The following TAFA5 variants were observed in gnomAD, a reference collection of about 807,000 sequenced individuals.
TAFA5 encodes the protein chemokine-like protein TAFA-5.
Under a neutral mutation model 15.3 loss-of-function variants are expected in TAFA5, and 6 were observed. The observed-to-expected ratio is 0.39, with a 90% CI of 0.21 to 0.77. The LOEUF is 0.77. TAFA5 is among the 30% of genes least tolerant of loss of function. The pLI is 0.41. For synonymous variants in TAFA5, 103 were observed against 80.7 expected (o/e 1.28, Z -1.48); for missense variants, 161 against 193.1 (o/e 0.83, Z 0.98).
chr22:48,669,382 A>G (rs961432867), intron 2 of TAFA5, among the ~76,000 whole-genome samples: 2 of 152,194 alleles, frequency 1.3e-5, no homozygotes, highest in Admixed American at 1.3e-4. Context: ...GCCCCGGGGT[A>G]GCCCCCTTTC....
rs539122639 is a variant in TAFA5, at chr22:48,742,840, C to T, written c.391-6999C>T. On this transcript the variant is annotated intron_variant, in intron 3 of 3. Coordinates refer to ENST00000402357, the MANE Select transcript of TAFA5 (RefSeq NM_001082967.3). This position sits in a 1 kb window ranked among gnomAD's most constrained non-coding sequence, Gnocchi z 6.2. ...GAGTCCCCAGCTGGGAGCTCAGGTG[C>T]GATGAAGCCCAAGGGACTGACGGTG... Among the ~76,000 whole-genome samples, 4 of 152,296 alleles carry T rather than the reference C, an allele frequency of 2.6e-5. No individual in the cohort carries two copies. The highest frequency in any genetic ancestry group is 2.0e-4 in the Admixed American group (3 of 15,300).
rs147621250 is a variant in TAFA5, at chr22:48,639,133, C to T, written c.113-7464C>T. Among the ~76,000 whole-genome samples the T allele has an allele frequency of 2.7e-4, 41 of 152,312 alleles. No homozygotes were observed. In the East Asian group the frequency reaches 7.2e-3, roughly 27 times the overall value. Reference sequence around the variant, plus strand: ...GCTGAGGACACCCCATTGCCCCACCCGTCACTTGGACACAGGCTGGTGTGT... The same window carrying T: ...GCTGAGGACACCCCATTGCCCCACCTGTCACTTGGACACAGGCTGGTGTGT... On this transcript the variant is annotated intron_variant, in intron 1 of 3. Coordinates refer to ENST00000402357, the MANE Select transcript of TAFA5 (RefSeq NM_001082967.3).
At chr22:48,575,639 TG>T (rs1923747939) in intron 1 of TAFA5, among the ~76,000 whole-genome samples, 1 of 144,602 alleles carries the variant, frequency 6.9e-6, no homozygotes, top group Admixed American at 6.8e-5. Context: ...CGGCCCAGCG[TG>T]GGCAGCCCAG....
chr22:48,644,595 A>G (rs1208586955), intron 1 of TAFA5, among the ~76,000 whole-genome samples: 3 of 152,224 alleles, frequency 2.0e-5, no homozygotes, highest in African/African-American at 7.2e-5. Flanking sequence ...GGCCTCTCCA[A>G]GTTCCTCCAA....
intron 2 of TAFA5, among the ~76,000 whole-genome samples, chr22:48,654,408 G>A (rs974042871): frequency 2.0e-5 from 3 of 152,202 alleles, no homozygotes; most frequent in South Asian, 4.1e-4. Flanking sequence ...GAAGGAGCAC[G>A]CCTGCTCCAC....
chr22:48,740,335 C>G (rs1930144129), intron 3 of TAFA5, among the ~76,000 whole-genome samples: 1 of 152,214 alleles, frequency 6.6e-6, no homozygotes, highest in Non-Finnish European at 1.5e-5. Context: ...GCCAGCCTCC[C>G]CGCATTGGCT....
In TAFA5 at chr22:48,505,182, C is replaced by T. The variant is rs540032959; in HGVS notation, c.112+15478C>T. Reference sequence around the variant, plus strand: ...GAGGAGAAGCTTGCCTTAGTCCTGTCTGCTCTTCACATGAAACTCTCACGA... The same window carrying T: ...GAGGAGAAGCTTGCCTTAGTCCTGTTTGCTCTTCACATGAAACTCTCACGA... On this transcript the variant is annotated intron_variant, in intron 1 of 3. Coordinates refer to ENST00000402357, the MANE Select transcript of TAFA5 (RefSeq NM_001082967.3). 2.0e-5 allele frequency among the ~76,000 whole-genome samples: 3 copies of T among 152,344 alleles called. No individual in the cohort carries two copies. In the East Asian group the frequency reaches 5.8e-4, roughly 29 times the overall value.
At chr22:48,633,539 C>CTCTCT (rs1569056626) in intron 1 of TAFA5, among the ~76,000 whole-genome samples, 8,038 of 128,420 alleles carry the variant, frequency 0.063, 417 homozygotes, top group East Asian at 0.23. Flanking sequence ...TCTGTCTCTC[C>CTCTCT]CTCTCTCTCT....
chr22:48,556,983 C>T (rs1258089567), intron 1 of TAFA5, among the ~76,000 whole-genome samples: 3 of 152,190 alleles, frequency 2.0e-5, no homozygotes, highest in Non-Finnish European at 2.9e-5. Flanking sequence ...GAGAGTTAAC[C>T]CTCCCAAAGG....
intron 2 of TAFA5, among the ~76,000 whole-genome samples, chr22:48,656,381 C>CTGTA (rs1410581214): frequency 6.6e-6 from 1 of 152,004 alleles, no homozygotes; most frequent in African/African-American, 2.4e-5. Context: ...TGGCAGGTGC[C>CTGTA]TGTAGTCTTA....
chr22:48,594,821 CTG>C (rs934184969), intron 1 of TAFA5, among the ~76,000 whole-genome samples: 1 of 151,958 alleles, frequency 6.6e-6, no homozygotes, highest in Non-Finnish European at 1.5e-5. Context: ...GGATGCTCCG[CTG>C]TCTCTCAGCC....
intron 1 of TAFA5, among the ~76,000 whole-genome samples, chr22:48,497,451 G>C (rs955771206): frequency 4.6e-5 from 7 of 151,782 alleles, no homozygotes. Context: ...GACAAGACTG[G>C]AGTGTCCAGT....
At chr22:48,605,372 T>C (rs1322946262) in intron 1 of TAFA5, among the ~76,000 whole-genome samples, 1 of 132,826 alleles carries the variant, frequency 7.5e-6, no homozygotes, top group Non-Finnish European at 1.7e-5. Flanking sequence ...GGTGATGGTG[T>C]TGATGGTGAT....
At chr22:48,692,031 C>A (rs906161253) in intron 2 of TAFA5, among the ~76,000 whole-genome samples, 37 of 152,166 alleles carry the variant, frequency 2.4e-4, no homozygotes, top group African/African-American at 8.2e-4. Context: ...TGCCTCCTTC[C>A]TGTCCCCAAT....
intron 2 of TAFA5, among the ~76,000 whole-genome samples, chr22:48,662,592 C>G (rs12159542): frequency 1.3e-5 from 2 of 152,166 alleles, no homozygotes; most frequent in Non-Finnish European, 2.9e-5. Flanking sequence ...GCTCTGTGTC[C>G]ACCCCAGGAG....
intron 2 of TAFA5, among the ~76,000 whole-genome samples, chr22:48,657,098 A>G (rs367941282): frequency 6.6e-6 from 1 of 152,118 alleles, no homozygotes; most frequent in East Asian, 1.9e-4. Flanking sequence ...AGATAAATGA[A>G]ATTGACAAAT....
At chr22:48,561,958 C>T (rs1459013015) in intron 1 of TAFA5, among the ~76,000 whole-genome samples, 1 of 152,168 alleles carries the variant, frequency 6.6e-6, no homozygotes, top group Non-Finnish European at 1.5e-5. Context: ...GTCACCCTGC[C>T]CGGCCTCAGG....
intron 1 of TAFA5, chr22:48,547,197 A>T (rs931260374): frequency 2.0e-5 from 3 of 152,336 alleles, no homozygotes; most frequent in Admixed American, 1.3e-4. Flanking sequence ...CACTTACGGG[A>T]AGATGCGGCG....
At chr22:48,502,299 A>G (rs1474270795) in intron 1 of TAFA5, among the ~76,000 whole-genome samples, 1 of 152,008 alleles carries the variant, frequency 6.6e-6, no homozygotes, top group Non-Finnish European at 1.5e-5. Context: ...AGAGAACCTA[A>G]TTTGTTGTCA....
Sources: gnomAD v4.1 joint callset for allele counts (sites outside exome capture counted in the v4.1 genomes callset) on GRCh38, gnomAD v4.1.1 for gene constraint, Gnocchi (gnomAD v3.1) non-coding constraint, MANE v1.5 for transcripts, NCBI Gene and HGNC (gene_info 2026-07-23, HGNC 2026-07-21) for gene names.